Variants in SCD5 observed in about 807,000 individuals in gnomAD.
SCD5 encodes the protein stearoyl-CoA desaturase 5.
Under a neutral mutation model 30.4 loss-of-function variants are expected in SCD5, and 20 were observed. That is an observed-to-expected ratio of 0.66 (90% CI 0.46 to 0.96). The LOEUF (loss-of-function observed/expected upper bound fraction) is 0.96, where lower values mean the gene tolerates loss of function less well. Ranked by LOEUF, SCD5 falls within the 40% of genes least tolerant of loss-of-function variation. SCD5 has a pLI of 0.00. For synonymous variants in SCD5, 173 were observed against 176.4 expected, an observed-to-expected ratio of 0.98 and a Z score of 0.16; for missense variants, 381 against 443.3, an observed-to-expected ratio of 0.86 and a Z score of 1.26.
chr4:82,746,841 G>A (rs79409972), intron 1 of SCD5, among the ~76,000 whole-genome samples: 7,229 of 152,062 alleles, frequency 0.048, 587 homozygotes, highest in African/African-American at 0.17. Flanking sequence ...GCGAGAATAG[G>A]CACTCCCACT....
intron 1 of SCD5, among the ~76,000 whole-genome samples, chr4:82,720,254 A>G (rs1443085784): frequency 1.3e-5 from 2 of 151,778 alleles, no homozygotes; most frequent in Non-Finnish European, 2.9e-5. Flanking sequence ...ATAGTGAGAC[A>G]CCATCTCTAC....
intron 3 of SCD5, among the ~76,000 whole-genome samples, chr4:82,639,694 G>A (rs986103987): frequency 2.0e-5 from 3 of 152,212 alleles, no homozygotes; most frequent in Non-Finnish European, 2.9e-5. Context: ...GGACTATGGA[G>A]GGAACATGGA....
intron 1 of SCD5, among the ~76,000 whole-genome samples, chr4:82,765,981 G>A (rs942704686): frequency 6.6e-6 from 1 of 152,182 alleles, no homozygotes; most frequent in East Asian, 1.9e-4. Context: ...CATGAATACA[G>A]AGGGCCAACT....
intron 1 of SCD5, among the ~76,000 whole-genome samples, chr4:82,759,248 G>A (rs1391391295): frequency 2.0e-5 from 3 of 152,192 alleles, no homozygotes; most frequent in African/African-American, 7.2e-5. Flanking sequence ...GGCAGCTGGC[G>A]GGATGCAGGG....
intron 3 of SCD5, among the ~76,000 whole-genome samples, chr4:82,666,314 C>T (rs1406890109): frequency 6.6e-6 from 1 of 152,118 alleles, no homozygotes; most frequent in African/African-American, 2.4e-5. Flanking sequence ...GGGTGACGCC[C>T]TGGAGCTACA....
chr4:82,748,560 C>T (rs553034020), intron 1 of SCD5, among the ~76,000 whole-genome samples: 20 of 152,272 alleles, frequency 1.3e-4, no homozygotes, highest in African/African-American at 4.8e-4. Flanking sequence ...ATCCCTGAGG[C>T]ACAAGGGCAA....
intron 4 of SCD5, among the ~76,000 whole-genome samples, chr4:82,635,071 C>T (rs931509595): frequency 6.6e-6 from 1 of 152,206 alleles, no homozygotes; most frequent in East Asian, 1.9e-4. Flanking sequence ...GACACAGAGA[C>T]CATTTCTACT....
chr4:82,722,280 C>T (rs537544554), intron 1 of SCD5, among the ~76,000 whole-genome samples: 2 of 150,922 alleles, frequency 1.3e-5, no homozygotes, highest in Non-Finnish European at 2.9e-5. Flanking sequence ...AAAAAGGGCT[C>T]CATCTTGATC....
intron 1 of SCD5, among the ~76,000 whole-genome samples, chr4:82,720,449 A>T (rs1335411727): frequency 9.4e-5 from 14 of 148,254 alleles, no homozygotes; most frequent in South Asian, 6.3e-4. Context: ...AATAAAAAAA[A>T]AAAAAAAAAA....
chr4:82,712,653 A>C (rs1440030579), intron 1 of SCD5, among the ~76,000 whole-genome samples: 6 of 152,014 alleles, frequency 3.9e-5, no homozygotes, highest in African/African-American at 1.4e-4. Flanking sequence ...GCAGGTGCTG[A>C]TGCTGCTGGC....
At chr4:82,702,871 T>C (rs1052746621) in intron 2 of SCD5, among the ~76,000 whole-genome samples, 1 of 152,232 alleles carries the variant, frequency 6.6e-6, no homozygotes, top group Non-Finnish European at 1.5e-5. Flanking sequence ...TTAAATAAAT[T>C]GTTCTAGACA....
At chr4:82,739,409 T>C (rs1349414501) in intron 1 of SCD5, among the ~76,000 whole-genome samples, 1 of 152,234 alleles carries the variant, frequency 6.6e-6, no homozygotes, top group African/African-American at 2.4e-5. Flanking sequence ...CAGCTTTAAA[T>C]TTCCAGCAAT....
intron 2 of SCD5, among the ~76,000 whole-genome samples, chr4:82,697,853 T>G (rs1719728785): frequency 6.6e-6 from 1 of 152,240 alleles, no homozygotes; most frequent in East Asian, 1.9e-4. Flanking sequence ...CAATGCAGCA[T>G]GCATGGAATG....
In SCD5 at chr4:82,721,957, C is replaced by CTTAGCATCAG. The variant is rs1302692325; in HGVS notation, c.233-16554_233-16545dup. ...GCCACCACTTAACCAAGAGATGAAG[C>CTTAGCATCAG]TTAGCATCAGTAACACTGGAACGCA... On this transcript the variant is annotated intron_variant, in intron 1 of 4. Transcript: ENST00000319540. Among the ~76,000 whole-genome samples the CTTAGCATCAG allele has an allele frequency of 7.2e-5, 11 of 152,342 alleles. No homozygotes were observed. In the East Asian group the frequency reaches 1.9e-3, roughly 27 times the overall value.
intron 1 of SCD5, among the ~76,000 whole-genome samples, chr4:82,767,747 T>A (rs1222627388): frequency 6.6e-6 from 1 of 152,212 alleles, no homozygotes; most frequent in Non-Finnish European, 1.5e-5. Flanking sequence ...TACATTTTCT[T>A]TTCCTCTATA....
chr4:82,778,137 C>T (rs534449250), intron 1 of SCD5, among the ~76,000 whole-genome samples: 2 of 152,184 alleles, frequency 1.3e-5, no homozygotes, highest in South Asian at 2.1e-4. Context: ...AAACACCACA[C>T]GTTCTCACTC....
intron 2 of SCD5, 75 bp downstream of exon 2, chr4:82,705,208 A>C: frequency 1.9e-6 from 3 of 1,566,696 alleles, no homozygotes; most frequent in Non-Finnish European, 2.6e-6. Flanking sequence ...GAGGGGTGTC[A>C]GCCCATCTTT....
At position 82,636,762 on chromosome 4, in the gene SCD5, T is replaced by G. The variant is rs2148811756; in HGVS notation, c.631A>C (p.Ile211Leu). 6.2e-7 allele frequency: 1 copy of G among 1,614,252 alleles called. No individual in the cohort carries two copies. Among genetic ancestry groups the G allele is most frequent in the Non-Finnish European group, 8.5e-7 (1 of 1,180,054 alleles). The stretch of plus-strand genomic sequence containing the variant: ...GAATTCCACAGACTCTCTCCCCAGA[T>G]GTACCAGGGCACCAGCGTGGGGACC... The part of the protein sequence containing the change: ...FVVPTLVPWY[I>L]WGESLWNSYF... Residue 211 changes from isoleucine (I) to leucine (L), a missense_variant, in exon 4 of 5, where the codon ATC (isoleucine) becomes CTC (leucine). Coordinates refer to ENST00000319540, the MANE Select transcript of SCD5 (RefSeq NM_001037582.3).
intron 1 of SCD5, among the ~76,000 whole-genome samples, chr4:82,719,880 C>T (rs1720328594): frequency 6.6e-6 from 1 of 151,630 alleles, no homozygotes; most frequent in African/African-American, 2.4e-5. Context: ...CAGTTCACTG[C>T]AACTTCAGCC....
Sources: gnomAD v4.1 joint callset for allele counts (sites outside exome capture counted in the v4.1 genomes callset) on GRCh38, gnomAD v4.1.1 for gene constraint, MANE v1.5 for transcripts, NCBI Gene and HGNC (gene_info 2026-07-23, HGNC 2026-07-21) for gene names.